Variants in RALGAPA2 observed in about 807,000 individuals in gnomAD.
The protein encoded by RALGAPA2 is Ral GTPase activating protein catalytic subunit alpha 2.
A neutral mutation model predicts 230.4 loss-of-function variants in RALGAPA2; 139 were observed. The observed-to-expected ratio is 0.60, with a 90% CI of 0.53 to 0.69. The LOEUF is 0.69. RALGAPA2 is among the 30% of genes least tolerant of loss of function. The pLI, the probability that RALGAPA2 is intolerant of heterozygous loss-of-function variation, is 0.00. For synonymous variants in RALGAPA2, 847 were observed against 837.8 expected, an observed-to-expected ratio of 1.01 and a Z score of -0.19; for missense variants, 2,163 against 2,276.0, an observed-to-expected ratio of 0.95 and a Z score of 1.01.
At chr20:20,675,512 C>T (rs2068288337) in intron 3 of RALGAPA2, among the ~76,000 whole-genome samples, 1 of 152,172 alleles carries the variant, frequency 6.6e-6, no homozygotes, top group East Asian at 1.9e-4. Flanking sequence ...ACCTCTCAAA[C>T]CACAAATAAT....
At chr20:20,508,107 GC>G (rs2062587904) in intron 33 of RALGAPA2, among the ~76,000 whole-genome samples, 1 of 152,188 alleles carries the variant, frequency 6.6e-6, no homozygotes, top group African/African-American at 2.4e-5. Flanking sequence ...AGAGAGCTAA[GC>G]CTGAATGATG....
chr20:20,701,424 G>A (rs1057358136), intron 1 of RALGAPA2, among the ~76,000 whole-genome samples: 2 of 152,282 alleles, frequency 1.3e-5, no homozygotes, highest in Non-Finnish European at 1.5e-5. Context: ...GAAAGAACAC[G>A]GATAAGGCAT....
intron 38 of RALGAPA2, among the ~76,000 whole-genome samples, chr20:20,397,038 C>G (rs188075340): frequency 8.3e-4 from 127 of 152,366 alleles, no homozygotes; most frequent in African/African-American, 2.0e-3. Context: ...AGATGCTGAA[C>G]AGCACTGACA....
intron 37 of RALGAPA2, among the ~76,000 whole-genome samples, chr20:20,415,534 G>A (rs1451965351): frequency 1.3e-5 from 2 of 152,118 alleles, no homozygotes; most frequent in Non-Finnish European, 2.9e-5. Context: ...AACCCATCTT[G>A]GCTTCTGGAC....
intron 4 of RALGAPA2, among the ~76,000 whole-genome samples, chr20:20,650,290 C>T (rs1233413123): frequency 1.3e-5 from 2 of 152,194 alleles, no homozygotes; most frequent in Non-Finnish European, 2.9e-5. Flanking sequence ...CTGTTTTCTA[C>T]AGACAAAATA....
chr20:20,467,804 A>G (rs1300967323), intron 37 of RALGAPA2, among the ~76,000 whole-genome samples: 1 of 152,184 alleles, frequency 6.6e-6, no homozygotes, highest in African/African-American at 2.4e-5. Context: ...TTGTGCAGCT[A>G]TATTGGTTGC....
At chr20:20,476,719 A>G (rs2061659023) in intron 36 of RALGAPA2, among the ~76,000 whole-genome samples, 2 of 149,210 alleles carry the variant, frequency 1.3e-5, no homozygotes, top group South Asian at 4.2e-4. Flanking sequence ...ATAAATAAAT[A>G]AAAGAAAATA....
At chr20:20,445,182 T>C (rs1281967998) in intron 37 of RALGAPA2, among the ~76,000 whole-genome samples, 1 of 152,198 alleles carries the variant, frequency 6.6e-6, no homozygotes, top group Non-Finnish European at 1.5e-5. Flanking sequence ...CTATCTGAGG[T>C]TTCAGGCATC....
intron 1 of RALGAPA2, among the ~76,000 whole-genome samples, chr20:20,685,899 C>G (rs1240112058): frequency 6.6e-6 from 1 of 152,146 alleles, no homozygotes; most frequent in Non-Finnish European, 1.5e-5. Flanking sequence ...TGGCTTACTA[C>G]TATTACAGAA....
intron 3 of RALGAPA2, among the ~76,000 whole-genome samples, chr20:20,654,618 C>T (rs373077363): frequency 1.3e-5 from 2 of 152,260 alleles, no homozygotes; most frequent in East Asian, 3.9e-4. Flanking sequence ...GTATTCATAC[C>T]ACATTTTCTA....
rs750528744 is a variant in RALGAPA2 at position 20,611,295 on chromosome 20, C to T, written c.1800+20G>A. 25 of 1,588,472 alleles carry T rather than the reference C, an allele frequency of 1.6e-5. No homozygotes were observed. Among genetic ancestry groups the T allele is most frequent in the Non-Finnish European group, 2.1e-5 (25 of 1,166,574 alleles). On this transcript the variant is annotated intron_variant, in intron 14 of 39. Transcript: ENST00000202677. Reference sequence around the variant, plus strand: ...TGATTCATTTCTTGCATTTGCAGTGCTTTCATAAAAAAGACTTACCCTAAA... The same window carrying T: ...TGATTCATTTCTTGCATTTGCAGTGTTTTCATAAAAAAGACTTACCCTAAA...
intron 10 of RALGAPA2, among the ~76,000 whole-genome samples, chr20:20,629,121 T>C (rs2066585068): frequency 6.6e-6 from 1 of 152,194 alleles, no homozygotes; most frequent in Admixed American, 6.5e-5. Context: ...TTTGCTCAAA[T>C]ATAGAATTTT....
Position 20,683,923 on chromosome 20 carries a change from G to GT in RALGAPA2, c.107-3123dup, listed in dbSNP as rs1198550646. On this transcript the variant is annotated intron_variant, in intron 1 of 39. Transcript: ENST00000202677. ...GATGGACCCTCACACCCAAACCTTGGTAAGATTTTGCTCTAATGTAACTTC... is the reference window on the plus strand; with the variant it reads ...GATGGACCCTCACACCCAAACCTTGGTTAAGATTTTGCTCTAATGTAACTTC... Among the ~76,000 whole-genome samples, 10 of 152,206 alleles carry GT rather than the reference G, an allele frequency of 6.6e-5. No individual in the cohort carries two copies. In the South Asian group the frequency reaches 2.1e-3, roughly 32 times the overall value.
chr20:20,531,545 C>CG, intron 27 of RALGAPA2, 142 bp downstream of exon 27: 1 of 750,610 alleles, frequency 1.3e-6, no homozygotes, highest in South Asian at 1.7e-5. Context: ...GTGCCCCTCC[C>CG]GGGAGCCTCA....
At chr20:20,459,129 C>T (rs1017791496) in intron 37 of RALGAPA2, among the ~76,000 whole-genome samples, 1 of 151,578 alleles carries the variant, frequency 6.6e-6, no homozygotes, top group Non-Finnish European at 1.5e-5. Flanking sequence ...TTAGATGGAC[C>T]CCTTGGAATC....
intron 35 of RALGAPA2, among the ~76,000 whole-genome samples, chr20:20,501,959 G>T (rs1302944633): frequency 1.3e-5 from 2 of 152,136 alleles, no homozygotes; most frequent in African/African-American, 4.8e-5. Context: ...AATTAAGTTT[G>T]CCATCTTATA....
chr20:20,674,150 C>T (rs944093014), intron 3 of RALGAPA2, among the ~76,000 whole-genome samples: 5 of 151,652 alleles, frequency 3.3e-5, no homozygotes, highest in Non-Finnish European at 5.9e-5. Flanking sequence ...GAGCTATGTT[C>T]ACACCACTGT....
intron 37 of RALGAPA2, among the ~76,000 whole-genome samples, chr20:20,456,063 ATGACT>A (rs1174498367): frequency 1.3e-5 from 2 of 152,240 alleles, no homozygotes; most frequent in African/African-American, 2.4e-5. Context: ...TATTGCTTTC[ATGACT>A]TAACTCTCTG....
At chr20:20,589,444 T>G (rs1202824451) in intron 17 of RALGAPA2, 79 bp from the exon 18 acceptor site, 1 of 1,357,238 alleles carries the variant, frequency 7.4e-7, no homozygotes, top group African/African-American at 1.5e-5. Context: ...ATTTTATATA[T>G]AGGTAACTAT....
Sources: gnomAD v4.1 joint callset for allele counts (sites outside exome capture counted in the v4.1 genomes callset) on GRCh38, gnomAD v4.1.1 for gene constraint, MANE v1.5 for transcripts, NCBI Gene and HGNC (gene_info 2026-07-23, HGNC 2026-07-21) for gene names.